Variants in SYT6 observed in about 807,000 individuals in gnomAD.
SYT6 encodes the protein synaptotagmin 6.
A neutral mutation model predicts 38.4 loss-of-function variants in SYT6; 24 were observed. That is an observed-to-expected ratio of 0.62 (90% confidence interval 0.45 to 0.88). The LOEUF (loss-of-function observed/expected upper bound fraction) is 0.88, where lower values mean the gene tolerates loss of function less well. SYT6 is among the 40% of genes least tolerant of loss of function. SYT6 has a pLI of 0.00. For missense variants in SYT6, 611 were observed against 621.0 expected (o/e 0.98, Z 0.17); for synonymous variants, 265 against 241.9 (o/e 1.10, Z -0.89).
intron 3 of SYT6, among the ~76,000 whole-genome samples, chr1:114,131,023 G>A (rs1045328208): frequency 6.6e-6 from 1 of 152,162 alleles, no homozygotes; most frequent in African/African-American, 2.4e-5. Flanking sequence ...GTGGGCGTGA[G>A]AAGAGGATGC....
Position 114,145,339 on chromosome 1 carries a change from A to C in SYT6, c.164-5376T>G, listed in dbSNP as rs2291370. Among the ~76,000 whole-genome samples the C allele has an allele frequency of 8.0e-3, 1,224 of 152,286 alleles. 38 individuals are homozygous for C. In the East Asian group the frequency reaches 0.12, roughly 15 times the overall value. On this transcript the variant is annotated intron_variant, in intron 1 of 7. Coordinates refer to ENST00000610222, the MANE Select transcript of SYT6 (RefSeq NM_001253772.2). ...GGTATGATTATTATCCTCATTTTGCAGATGTGGAAACTGAGGCACAGAAGG... is the reference window on the plus strand; with the variant it reads ...GGTATGATTATTATCCTCATTTTGCCGATGTGGAAACTGAGGCACAGAAGG...
intron 1 of SYT6, among the ~76,000 whole-genome samples, chr1:114,140,939 G>A (rs1449580095): frequency 6.6e-6 from 1 of 152,124 alleles, no homozygotes; most frequent in Non-Finnish European, 1.5e-5. Context: ...TCATTGTTTT[G>A]AGGCGTCCTG....
intron 2 of SYT6, among the ~76,000 whole-genome samples, chr1:114,139,275 C>G (rs981549528): frequency 6.6e-6 from 1 of 152,258 alleles, no homozygotes; most frequent in Non-Finnish European, 1.5e-5. Flanking sequence ...TCTTACATCT[C>G]TAGGCCTTTA....
chr1:114,122,456 C>A (rs1004928613), intron 3 of SYT6, among the ~76,000 whole-genome samples: 2 of 151,014 alleles, frequency 1.3e-5, no homozygotes, highest in Admixed American at 6.6e-5. Context: ...GCTTCCCTGG[C>A]GTGTGATGGA....
At chr1:114,117,369 G>A (rs1242633264) in intron 3 of SYT6, among the ~76,000 whole-genome samples, 1 of 152,230 alleles carries the variant, frequency 6.6e-6, no homozygotes, top group East Asian at 1.9e-4. Flanking sequence ...GCCACATGGA[G>A]GCAGGTGGTG....
chr1:114,106,969 A>C (rs2100999132), intron 3 of SYT6, among the ~76,000 whole-genome samples: 1 of 152,296 alleles, frequency 6.6e-6, no homozygotes, highest in African/African-American at 2.4e-5. Flanking sequence ...GGGTGCTCAC[A>C]TTTTAGTAAA....
At position 114,093,746 on chromosome 1, in the gene SYT6, G is replaced by C; in HGVS notation, c.*40C>G. ...CACCAGGTACTTACTCCTAACTCCA[G>C]GTGGCAGTCTCTCTGCTTGCAGCAT... is the stretch of plus-strand genomic sequence containing the variant. On this transcript the variant is annotated 3_prime_UTR_variant, in exon 7 of 8. Coordinates refer to ENST00000610222, the MANE Select transcript of SYT6 (RefSeq NM_001253772.2). The C allele has an allele frequency of 6.2e-7, 1 of 1,613,930 alleles. No individual in the cohort carries two copies.
chr1:114,122,933 G>A (rs778030409), intron 3 of SYT6, among the ~76,000 whole-genome samples: 4 of 152,132 alleles, frequency 2.6e-5, no homozygotes, highest in African/African-American at 4.8e-5. Context: ...ATGCCTGTCC[G>A]GGCCCTGCCC....
At chr1:114,116,979 T>A (rs748780549) in intron 3 of SYT6, among the ~76,000 whole-genome samples, 19 of 152,220 alleles carry the variant, frequency 1.2e-4, no homozygotes, top group Non-Finnish European at 4.4e-5. Context: ...GTGGCCTTCA[T>A]CTAGACCCAC....
intron 3 of SYT6, among the ~76,000 whole-genome samples, chr1:114,128,629 G>C (rs1247284183): frequency 1.3e-5 from 2 of 152,168 alleles, no homozygotes; most frequent in African/African-American, 4.8e-5. Context: ...TAAGCTCCTT[G>C]ATGCTGAACA....
chr1:114,125,846 T>C (rs149452160), intron 3 of SYT6, among the ~76,000 whole-genome samples: 4 of 152,174 alleles, frequency 2.6e-5, no homozygotes, highest in African/African-American at 9.7e-5. Flanking sequence ...CCTGCTGATG[T>C]TGCTTGTTGG....
At chr1:114,120,499 A>G (rs889336428) in intron 3 of SYT6, among the ~76,000 whole-genome samples, 2 of 152,156 alleles carry the variant, frequency 1.3e-5, no homozygotes, top group African/African-American at 4.8e-5. Flanking sequence ...GCTACTCTTT[A>G]ATGATGTTTC....
chr1:114,105,895 C>T (rs781682047), intron 3 of SYT6, among the ~76,000 whole-genome samples: 90 of 152,140 alleles, frequency 5.9e-4, no homozygotes, highest in Admixed American at 2.5e-3. Flanking sequence ...TGTTTCCATT[C>T]GTATTTACAG....
chr1:114,149,378 G>A (rs1443924703), intron 1 of SYT6, among the ~76,000 whole-genome samples: 1 of 151,882 alleles, frequency 6.6e-6, no homozygotes, highest in East Asian at 1.9e-4. Context: ...GGAGCAGAGG[G>A]CTTTTGCTTC....
At chr1:114,152,075 A>G (rs755505561) in intron 1 of SYT6, 1 of 151,862 alleles carries the variant, frequency 6.6e-6, no homozygotes, top group Non-Finnish European at 1.5e-5. Flanking sequence ...CCCCTCACAC[A>G]CACAAGCCTC....
chr1:114,113,501 G>A (rs1240052700), intron 3 of SYT6, among the ~76,000 whole-genome samples: 1 of 152,068 alleles, frequency 6.6e-6, no homozygotes, highest in African/African-American at 2.4e-5. Flanking sequence ...ACTTCTCAGA[G>A]GCTCAAAGTT....
chr1:114,139,889 A>T lies in SYT6; in HGVS notation c.238T>A (p.Phe80Ile). 6.5e-7 allele frequency: 1 copy of T among 1,539,096 alleles called. No homozygotes were observed. Residue 80 changes from phenylalanine (F) to isoleucine (I), a missense_variant, in exon 2 of 8, where the codon TTT (phenylalanine) becomes ATT (isoleucine). Transcript: ENST00000610222. The part of the protein sequence containing the change: ...VALVAVFLFL[F>I]WKLCWMPWRN... The stretch of plus-strand genomic sequence containing the variant: ...CAGGGCATCCAGCACAGCTTCCAAA[A>T]GAGAAAGAGAAAAACTGCCACCAGG...
chr1:114,145,502 G>GTTGTTTGTTTTTTTTT (rs1679109157), intron 1 of SYT6, among the ~76,000 whole-genome samples: 26 of 111,568 alleles, frequency 2.3e-4, no homozygotes, highest in African/African-American at 8.5e-4. Flanking sequence ...GAGGTATTAA[G>GTTGTTTGTTTTTTTTT]TTTTTTTTTT....
rs538696749 is a variant in SYT6 at position 114,152,522 on chromosome 1, C to T, written c.163+1088G>A. 214 of 152,396 alleles carry T rather than the reference C, an allele frequency of 1.4e-3. 1 individual carries two copies. Among genetic ancestry groups the T allele is most frequent in the Middle Eastern group, 3.4e-3 (1 of 296 alleles). The allele number at this position is 152,396 out of a possible 1,614,324, so 9.4% of individuals were successfully genotyped here. On this transcript the variant is annotated intron_variant, in intron 1 of 7. Coordinates refer to ENST00000610222, the MANE Select transcript of SYT6 (RefSeq NM_001253772.2). ...CCTCCCCCATGGAGGGGACGCGACC[C>T]AGTACTCCCTCCCGCCCCGGACCCT...
Sources: gnomAD v4.1 joint callset for allele counts (sites outside exome capture counted in the v4.1 genomes callset) on GRCh38, gnomAD v4.1.1 for gene constraint, MANE v1.5 for transcripts, NCBI Gene and HGNC (gene_info 2026-07-23, HGNC 2026-07-21) for gene names.